ZNF521: variants seen among roughly 807,000 people sequenced by gnomAD.
The protein encoded by ZNF521 is zinc finger protein 521.
A neutral mutation model predicts 105.5 loss-of-function variants in ZNF521; 14 were observed. The observed-to-expected ratio is 0.13, with a 90% CI of 0.09 to 0.21. ZNF521 has a LOEUF of 0.21. ZNF521 is among the 10% of genes least tolerant of loss of function. The probability of loss-of-function intolerance (pLI) is 1.00; values close to 1 mark genes in which losing one functional copy is unlikely to be tolerated. For missense variants in ZNF521, 1,233 were observed against 1,629.7 expected (o/e 0.76, Z 4.19); for synonymous variants, 635 against 606.0 (o/e 1.05, Z -0.70).
chr18:25,298,359 C>T (rs1035728085), intron 3 of ZNF521, among the ~76,000 whole-genome samples: 4 of 152,250 alleles, frequency 2.6e-5, no homozygotes, highest in South Asian at 2.1e-4. Flanking sequence ...ACCTGTATTT[C>T]GGCATGTGGA....
intron 4 of ZNF521, chr18:25,224,090 T>C (rs1194366385): frequency 2.3e-6 from 1 of 440,900 alleles, no homozygotes; most frequent in East Asian, 3.6e-5. Context: ...AGCGCTGGTC[T>C]CTTCAGTCAT....
intron 3 of ZNF521, among the ~76,000 whole-genome samples, chr18:25,262,896 G>A (rs1158956718): frequency 6.6e-6 from 1 of 152,178 alleles, no homozygotes; most frequent in Non-Finnish European, 1.5e-5. Context: ...GGAATAGAGT[G>A]AAAATACTGC....
At chr18:25,150,998 C>G (rs1459588082) in intron 5 of ZNF521, among the ~76,000 whole-genome samples, 1 of 151,120 alleles carries the variant, frequency 6.6e-6, no homozygotes, top group Non-Finnish European at 1.5e-5. Flanking sequence ...AAGTGATCCT[C>G]CCGCCTCAGC....
chr18:25,339,392 C>A (rs1914075563), intron 2 of ZNF521, among the ~76,000 whole-genome samples: 2 of 152,222 alleles, frequency 1.3e-5, no homozygotes, highest in African/African-American at 2.4e-5. Flanking sequence ...CTTGAAAGCG[C>A]TTCCTCCAGA....
chr18:25,101,403 A>G (rs575566610), intron 5 of ZNF521, among the ~76,000 whole-genome samples: 1 of 152,232 alleles, frequency 6.6e-6, no homozygotes, highest in South Asian at 2.1e-4. Flanking sequence ...CAGAATGAGG[A>G]GAAGGGGTTT....
At chr18:25,126,209 T>G (rs1482512420) in intron 5 of ZNF521, among the ~76,000 whole-genome samples, 3 of 152,128 alleles carry the variant, frequency 2.0e-5, no homozygotes, top group Non-Finnish European at 4.4e-5. Flanking sequence ...AATCTTTGGT[T>G]TCTCAACACT....
Position 25,126,190 on chromosome 18 carries a change from C to T in ZNF521, c.3659-34109G>A, listed in dbSNP as rs558851813. Reference sequence around the variant, plus strand: ...AATTTTCTCTAACCCCTAAACAGGTCTCACAAGCAATCTTTGGTTTCTCAA... The same window carrying T: ...AATTTTCTCTAACCCCTAAACAGGTTTCACAAGCAATCTTTGGTTTCTCAA... On this transcript the variant is annotated intron_variant, in intron 5 of 7. Coordinates refer to ENST00000361524, the MANE Select transcript of ZNF521 (RefSeq NM_015461.3). 3.3e-5 allele frequency among the ~76,000 whole-genome samples: 5 copies of T among 152,196 alleles called. No individual in the cohort carries two copies. The South Asian group carries it at 1.0e-3, about 32-fold the overall frequency.
chr18:25,075,344 T>C (rs1312452115), intron 7 of ZNF521, among the ~76,000 whole-genome samples: 1 of 152,204 alleles, frequency 6.6e-6, no homozygotes, highest in East Asian at 1.9e-4. Context: ...AAGAGAAATA[T>C]TCCCAGAGAG....
chr18:25,225,402 G>A lies in ZNF521; in HGVS notation c.2516C>T (p.Thr839Ile). ...REKHCVFETK[T>I]PNCGTNGASE... The stretch of plus-strand genomic sequence containing the variant: ...AGCTCCATTTGTTCCACAGTTGGGT[G>A]TCTTGGTTTCGAATACACAGTGTTT... Residue 839 changes from threonine (T) to isoleucine (I), a missense_variant, in exon 4 of 8, where the codon ACA becomes ATA. Thr to Ile is a moderately conservative substitution (Grantham distance 89). This residue lies in a region of ZNF521 where 614 missense variants were observed against 751.5 expected (regional missense o/e 0.82). Transcript: ENST00000361524. This position sits in a 1 kb window ranked among gnomAD's most constrained non-coding sequence, Gnocchi z 5.6. The A allele has an allele frequency of 6.2e-7, 1 of 1,614,160 alleles. No individual in the cohort carries two copies. Among genetic ancestry groups the A allele is most frequent in the Non-Finnish European group, 8.5e-7 (1 of 1,180,028 alleles).
intron 3 of ZNF521, among the ~76,000 whole-genome samples, chr18:25,247,025 T>C (rs1907768245): frequency 1.3e-5 from 2 of 152,196 alleles, no homozygotes; most frequent in Admixed American, 1.3e-4. Flanking sequence ...TTCAGGTGTG[T>C]TCTAGCTACC....
chr18:25,261,908 C>T (rs1049992581), intron 3 of ZNF521, among the ~76,000 whole-genome samples: 15 of 152,100 alleles, frequency 9.9e-5, no homozygotes, highest in African/African-American at 2.9e-4. Flanking sequence ...ACCTCATCAG[C>T]GTTAAAGAAA....
At chr18:25,232,890 T>C (rs1444832875) in intron 3 of ZNF521, among the ~76,000 whole-genome samples, 1 of 152,232 alleles carries the variant, frequency 6.6e-6, no homozygotes, top group East Asian at 1.9e-4. Context: ...CATAATTGTT[T>C]ACTTCTGCCA....
chr18:25,287,116 C>G (rs945744782), intron 3 of ZNF521, among the ~76,000 whole-genome samples: 1 of 152,060 alleles, frequency 6.6e-6, no homozygotes, highest in South Asian at 2.1e-4. Flanking sequence ...ACAGAATATC[C>G]TCAAAGAACA....
chr18:25,128,710 C>A (rs1474796992), intron 5 of ZNF521, among the ~76,000 whole-genome samples: 1 of 151,748 alleles, frequency 6.6e-6, no homozygotes, highest in Non-Finnish European at 1.5e-5. Context: ...ATATTAATTT[C>A]AAAAAATTTA....
At chr18:25,269,459 C>G (rs1300845813) in intron 3 of ZNF521, among the ~76,000 whole-genome samples, 1 of 152,176 alleles carries the variant, frequency 6.6e-6, no homozygotes. Context: ...ATCTACAGAA[C>G]TCTCCACACC....
At chr18:25,334,038 A>T (rs1913739284) in intron 2 of ZNF521, among the ~76,000 whole-genome samples, 2 of 152,214 alleles carry the variant, frequency 1.3e-5, no homozygotes, top group South Asian at 4.1e-4. Flanking sequence ...AGTAGTTCCA[A>T]GATTTCACCA....
intron 5 of ZNF521, among the ~76,000 whole-genome samples, chr18:25,103,739 T>G (rs1232353136): frequency 7.1e-6 from 1 of 141,156 alleles, no homozygotes; most frequent in South Asian, 2.2e-4. Context: ...TTATCCTCTG[T>G]GATGGGAAGA....
intron 5 of ZNF521, among the ~76,000 whole-genome samples, chr18:25,116,875 A>G (rs956370087): frequency 2.1e-4 from 19 of 90,918 alleles, no homozygotes; most frequent in African/African-American, 3.9e-4. Context: ...ATATACGTAT[A>G]TATATATATA....
intron 3 of ZNF521, among the ~76,000 whole-genome samples, chr18:25,314,342 T>C (rs1912486349): frequency 2.0e-5 from 3 of 152,176 alleles, no homozygotes; most frequent in South Asian, 2.1e-4. Flanking sequence ...GTCTTTAATT[T>C]GCCACAACCA....
Sources: allele counts gnomAD v4.1 joint callset (sites outside exome capture counted in the v4.1 genomes callset), GRCh38; gene constraint gnomAD v4.1.1; regional missense constraint gnomAD v4.1.1; non-coding constraint Gnocchi (gnomAD v3.1); transcripts MANE v1.5; gene names NCBI Gene and HGNC (gene_info 2026-07-23, HGNC 2026-07-21).